Variants in MACF1 observed in about 807,000 individuals in gnomAD.
MACF1 encodes microtubule actin crosslinking factor 1.
MACF1 carries 193 observed loss-of-function variants against 854.8 expected under a neutral mutation model. The observed-to-expected ratio is 0.23, with a 90% CI of 0.20 to 0.25. The LOEUF (loss-of-function observed/expected upper bound fraction) is 0.25, where lower values mean the gene tolerates loss of function less well. Ranked by LOEUF, MACF1 falls within the 10% of genes least tolerant of loss-of-function variation. MACF1 has a pLI of 1.00. For missense variants in MACF1, 7,722 were observed against 8,929.1 expected, an observed-to-expected ratio of 0.86 and a Z score of 5.45; for synonymous variants, 3,185 against 3,226.7, an observed-to-expected ratio of 0.99 and a Z score of 0.44.
rs1439530836 is a variant in MACF1, at chr1:39,085,823, C to A, written c.220+1385C>A. On this transcript the variant is annotated intron_variant, in intron 2 of 93. Coordinates refer to the MACF1 transcript ENST00000361689. The stretch of plus-strand genomic sequence containing the variant: ...GCTTCACCTGCCACCACCTCTACCC[C>A]CAATCACCCTGCCACAGTACACTGT... 2.6e-5 allele frequency among the ~76,000 whole-genome samples: 4 copies of A among 152,176 alleles called. No homozygotes were observed. In the South Asian group the frequency reaches 8.3e-4, roughly 32 times the overall value.
At chr1:39,217,882 CAAAA>C (rs751580827) in intron 1 of MACF1, among the ~76,000 whole-genome samples, 2 of 100,080 alleles carry the variant, frequency 2.0e-5, no homozygotes, top group Non-Finnish European at 2.0e-5. Flanking sequence ...GACCCTGTCT[CAAAA>C]AAAAAAAAAA....
At chr1:39,086,477 G>T (rs891206070) in intron 2 of MACF1, among the ~76,000 whole-genome samples, 1 of 152,200 alleles carries the variant, frequency 6.6e-6, no homozygotes, top group Admixed American at 6.5e-5. Flanking sequence ...TCCCTAGGGT[G>T]CAGGAAGGGG....
rs1645606408 is a variant in MACF1 at position 39,284,375 on chromosome 1, CT to C, written c.1079del (p.Leu360ArgfsTer17). The C allele has an allele frequency of 6.2e-7, 1 of 1,601,264 alleles. No homozygotes were observed. Among genetic ancestry groups the C allele is most frequent in the Admixed American group, 1.8e-5 (1 of 55,898 alleles). On this transcript the variant is annotated frameshift_variant, in exon 11 of 101. Transcript: ENST00000564288. LOFTEE classifies it high-confidence loss of function. ...TATACACTTCAAAGAAACAGAAATT[CT>C]GGCCAAGGAGAGAGAAAAAGGAAGA... is the stretch of plus-strand genomic sequence containing the variant. The part of the protein sequence containing the change: ...QYIHFKETEI[L>X]AKEREKGRIE...
At chr1:39,350,377 G>GGA (rs1647153059) in intron 42 of MACF1, among the ~76,000 whole-genome samples, 1 of 152,144 alleles carries the variant, frequency 6.6e-6, no homozygotes, top group Admixed American at 6.6e-5. Context: ...AGTTGAAGTT[G>GGA]GAGGGGTAAG....
intron 2 of MACF1, among the ~76,000 whole-genome samples, chr1:39,241,134 T>C (rs974698902): frequency 1.3e-5 from 2 of 152,060 alleles, no homozygotes; most frequent in Non-Finnish European, 2.9e-5. Context: ...TTTTTACAAT[T>C]TGGAGATCTG....
chr1:39,423,683 A>G (rs1643630030), intron 60 of MACF1, among the ~76,000 whole-genome samples: 1 of 151,916 alleles, frequency 6.6e-6, no homozygotes, highest in Non-Finnish European at 1.5e-5. Flanking sequence ...ATGGTTTGAT[A>G]TACATATACG....
chr1:39,198,593 G>C (rs6663999), intron 2 of MACF1, among the ~76,000 whole-genome samples: 4,503 of 151,122 alleles, frequency 0.03, 227 homozygotes, highest in African/African-American at 0.1. Context: ...GGAGGTTGCA[G>C]TGAGCTGAGA....
intron 58 of MACF1, chr1:39,410,806 C>A (rs1237937874): frequency 6.2e-7 from 1 of 1,613,948 alleles, no homozygotes; most frequent in East Asian, 2.2e-5. Flanking sequence ...AAGTTCTGGT[C>A]ATTTGGACCA....
rs555030137 is a variant in MACF1 at position 39,415,386 on chromosome 1, A to T, written c.15817-6988A>T. ...TCTGTCAGTCAGGCTGGAGTGCTAG[A>T]GTGCAGTGGTGCGATCTCAGCTCAC... is the stretch of plus-strand genomic sequence containing the variant. On this transcript the variant is annotated intron_variant, in intron 58 of 100. Transcript: ENST00000564288. Among the ~76,000 whole-genome samples the T allele has an allele frequency of 9.1e-4, 137 of 150,796 alleles. 1 individual carries two copies. The highest frequency in any genetic ancestry group is 3.0e-3 in the African/African-American group (125 of 41,140).
At chr1:39,269,838 T>C (rs941263843) in intron 6 of MACF1, 2 of 783,110 alleles carry the variant, frequency 2.6e-6, no homozygotes, top group African/African-American at 1.8e-5. Flanking sequence ...CTTACCCCCA[T>C]GTGGGTTAGT....
intron 1 of MACF1, among the ~76,000 whole-genome samples, chr1:39,210,858 C>T (rs1644506432): frequency 6.6e-6 from 1 of 152,096 alleles, no homozygotes; most frequent in Non-Finnish European, 1.5e-5. Context: ...CTGTTTTCCT[C>T]ATCTGCAAAA....
chr1:39,350,731 G>A (rs189703515), intron 42 of MACF1, 54 bp from the exon 43 acceptor site: 65 of 1,274,164 alleles, frequency 5.1e-5, no homozygotes, highest in Admixed American at 3.6e-4. Context: ...ACCATTAGAG[G>A]ACTTAGAAGC....
chr1:39,464,946 G>T, intron 94 of MACF1, 149 bp from the exon 95 acceptor site: 1 of 740,942 alleles, frequency 1.3e-6, no homozygotes, highest in Non-Finnish European at 2.3e-6. Flanking sequence ...CATCCCTGTG[G>T]CAGGAGCTTG....
intron 29 of MACF1, among the ~76,000 whole-genome samples, chr1:39,318,216 C>T (rs2148447993): frequency 6.6e-6 from 1 of 152,048 alleles, no homozygotes; most frequent in East Asian, 1.9e-4. Flanking sequence ...GATGCTAGAC[C>T]ACAAGGCAGC....
At chr1:39,198,656 CAAAAAAA>C (rs539074566) in intron 2 of MACF1, among the ~76,000 whole-genome samples, 2 of 75,852 alleles carry the variant, frequency 2.6e-5, no homozygotes, top group Non-Finnish European at 5.6e-5. Flanking sequence ...AACTCCGTCT[CAAAAAAA>C]AAAAAAAAAA....
intron 2 of MACF1, among the ~76,000 whole-genome samples, chr1:39,148,864 C>T (rs969503005): frequency 1.3e-5 from 2 of 152,180 alleles, no homozygotes; most frequent in African/African-American, 4.8e-5. Flanking sequence ...TTTTGCCAAA[C>T]TACTCTCCAT....
chr1:39,364,125 C>T (rs1194404961), intron 49 of MACF1, among the ~76,000 whole-genome samples: 1 of 152,210 alleles, frequency 6.6e-6, no homozygotes, highest in African/African-American at 2.4e-5. Flanking sequence ...ATTTTGCATT[C>T]CCAGCAGCAG....
intron 2 of MACF1, among the ~76,000 whole-genome samples, chr1:39,234,726 G>T (rs1485739708): frequency 7.3e-6 from 1 of 136,450 alleles, no homozygotes; most frequent in Non-Finnish European, 1.6e-5. Flanking sequence ...GCTGCCGGGC[G>T]GAGGGGCTCC....
rs1427362270 is a variant in MACF1 at position 39,441,247 on chromosome 1, A to C, written c.18594A>C (p.Leu6198Phe). The C allele has an allele frequency of 6.2e-7, 1 of 1,614,180 alleles. No homozygotes were observed. The highest frequency in any genetic ancestry group is 8.5e-7 in the Non-Finnish European group (1 of 1,180,008). The change falls in exon 74 of 101, where the codon TTA becomes TTC. Residue 6198 changes from leucine (L) to phenylalanine (F), a missense_variant. Transcript: ENST00000564288. Reference protein sequence around the residue: ...IDEMNNAWENLNKTWKERLEK... With the variant: ...IDEMNNAWENFNKTWKERLEK... The stretch of plus-strand genomic sequence containing the variant: ...AGATGAATAATGCTTGGGAGAACTT[A>C]AACAAAACATGGAAAGAGAGGCTAG...
Sources: gnomAD v4.1 joint callset for allele counts (sites outside exome capture counted in the v4.1 genomes callset) on GRCh38, gnomAD v4.1.1 for gene constraint, MANE v1.5 for transcripts, NCBI Gene and HGNC (gene_info 2026-07-23, HGNC 2026-07-21) for gene names.